The following CLYBL variants were observed in gnomAD, a reference collection of about 807,000 sequenced individuals.
CLYBL encodes the protein citramalyl-CoA lyase, mitochondrial.
CLYBL carries 31 observed loss-of-function variants against 38.9 expected under a neutral mutation model. The observed-to-expected ratio is 0.80, with a 90% CI of 0.60 to 1.08. CLYBL has a LOEUF of 1.08. Among genes scored for constraint, CLYBL ranks in the 50% least tolerant of loss-of-function variants. The probability of loss-of-function intolerance (pLI) is 0.00; values close to 1 mark genes in which losing one functional copy is unlikely to be tolerated. For missense variants in CLYBL, 434 were observed against 411.6 expected, an observed-to-expected ratio of 1.05 and a Z score of -0.47; for synonymous variants, 171 against 158.6, an observed-to-expected ratio of 1.08 and a Z score of -0.59.
intron 2 of CLYBL, among the ~76,000 whole-genome samples, chr13:99,788,479 T>C (rs1156514437): frequency 6.6e-6 from 1 of 152,240 alleles, no homozygotes; most frequent in East Asian, 1.9e-4. Context: ...TGTCTTTGGT[T>C]CTGTTTATAT....
chr13:99,808,678 C>T (rs1000424840), intron 2 of CLYBL, among the ~76,000 whole-genome samples: 12 of 151,990 alleles, frequency 7.9e-5, no homozygotes, highest in Non-Finnish European at 4.4e-5. Context: ...ATATATTCAA[C>T]CTGAAGTAAT....
intron 7 of CLYBL, chr13:99,877,672 G>A (rs1242348120): frequency 3.2e-6 from 1 of 313,878 alleles, no homozygotes; most frequent in Non-Finnish European, 6.0e-6. Flanking sequence ...CGCCTCCCGG[G>A]TTCAAGTGAT....
chr13:99,865,843 T>A lies in CLYBL; in HGVS notation c.635-397T>A, dbSNP rs1393274054. Reference sequence around the variant, plus strand: ...GCAGCACACACAGTTCTGTGCTTGCTGTGAAACACGAACCATTGCCCTGCA... The same window carrying A: ...GCAGCACACACAGTTCTGTGCTTGCAGTGAAACACGAACCATTGCCCTGCA... On this transcript the variant is annotated intron_variant, in intron 5 of 8. Transcript: ENST00000339105. This position sits in a 1 kb window ranked among gnomAD's most constrained non-coding sequence, Gnocchi z 4.7. Among the ~76,000 whole-genome samples, 1 of 152,202 alleles carries A rather than the reference T, an allele frequency of 6.6e-6. No individual in the cohort carries two copies. Among genetic ancestry groups the A allele is most frequent in the Non-Finnish European group, 1.5e-5 (1 of 68,030 alleles).
chr13:99,619,784 C>G (rs1302954702), intron 1 of CLYBL, among the ~76,000 whole-genome samples: 1 of 152,204 alleles, frequency 6.6e-6, no homozygotes, highest in South Asian at 2.1e-4. Flanking sequence ...TGCCAGTTGA[C>G]ATTCCAGAGT....
At chr13:99,687,733 G>A (rs1407937319) in intron 1 of CLYBL, among the ~76,000 whole-genome samples, 1 of 152,204 alleles carries the variant, frequency 6.6e-6, no homozygotes, top group African/African-American at 2.4e-5. Flanking sequence ...TCAGGGACCA[G>A]GCTGAATGTT....
intron 1 of CLYBL, among the ~76,000 whole-genome samples, chr13:99,698,683 G>A (rs1014247462): frequency 6.6e-6 from 1 of 152,094 alleles, no homozygotes; most frequent in Non-Finnish European, 1.5e-5. Context: ...GGCTTTATAT[G>A]CATTTGTAGC....
chr13:99,625,420 A>G (rs1453295386), intron 1 of CLYBL, among the ~76,000 whole-genome samples: 2 of 152,240 alleles, frequency 1.3e-5, no homozygotes, highest in Non-Finnish European at 2.9e-5. Context: ...GTGATTTACA[A>G]AGGTGGAAAC....
intron 1 of CLYBL, among the ~76,000 whole-genome samples, chr13:99,614,437 G>C (rs1303862485): frequency 6.6e-6 from 1 of 152,146 alleles, no homozygotes; most frequent in Admixed American, 6.5e-5. Flanking sequence ...GACATGCCTG[G>C]GCTGGACAGT....
chr13:99,895,967 G>T (rs1257107948), downstream of CLYBL: 1 of 151,660 alleles, frequency 6.6e-6, no homozygotes, highest in Non-Finnish European at 1.5e-5. Flanking sequence ...TTCTTCCGAC[G>T]GAAGGGCACC....
rs1167277995 is a variant in CLYBL at position 99,865,137 on chromosome 13, T to C, written c.634+226T>C. 1 of 534,058 alleles carries C rather than the reference T, an allele frequency of 1.9e-6. No individual in the cohort carries two copies. Among genetic ancestry groups the C allele is most frequent in the Non-Finnish European group, 3.5e-6 (1 of 282,978 alleles). The allele number at this position is 534,058 out of a possible 1,614,324, so 33.1% of individuals were successfully genotyped here. ...CTGCATTATTACTTCTGTTCATTTA[T>C]AAAAGACACGAGCAATAGAAAGCCT... On this transcript the variant is annotated intron_variant, in intron 5 of 8. Transcript: ENST00000339105. The surrounding 1 kb of genome is among the most constrained non-coding windows in gnomAD (Gnocchi z 4.7).
chr13:99,615,114 C>G (rs1459447128), intron 1 of CLYBL, among the ~76,000 whole-genome samples: 1 of 152,222 alleles, frequency 6.6e-6, no homozygotes, highest in African/African-American at 2.4e-5. Context: ...GTGGGTGAGC[C>G]TGTGCCAAGA....
chr13:99,671,005 A>G (rs1225441710), intron 1 of CLYBL, among the ~76,000 whole-genome samples: 1 of 152,066 alleles, frequency 6.6e-6, no homozygotes, highest in Non-Finnish European at 1.5e-5. Context: ...CTCCAGCAAC[A>G]TCTTATGCCA....
At chr13:99,688,947 G>A (rs767247237) in intron 1 of CLYBL, among the ~76,000 whole-genome samples, 6 of 152,168 alleles carry the variant, frequency 3.9e-5, no homozygotes, top group Non-Finnish European at 7.3e-5. Context: ...ACAAAAGCTA[G>A]TGGTACAGAT....
At chr13:99,750,875 C>T (rs540303823) in intron 1 of CLYBL, among the ~76,000 whole-genome samples, 28 of 151,934 alleles carry the variant, frequency 1.8e-4, no homozygotes, top group Middle Eastern at 3.4e-3. Flanking sequence ...TTACTGGACA[C>T]GGGTACAGCT....
intron 1 of CLYBL, among the ~76,000 whole-genome samples, chr13:99,767,051 CCT>C (rs2049283453): frequency 6.6e-6 from 1 of 152,206 alleles, no homozygotes; most frequent in East Asian, 1.9e-4. Context: ...GCAGAGCAGG[CCT>C]CCTGCCAGGG....
rs142574394 is a variant in CLYBL, at chr13:99,650,505, G to T, written c.62+43748G>T. Among the ~76,000 whole-genome samples, 253 of 152,334 alleles carry T rather than the reference G, an allele frequency of 1.7e-3. 2 individuals carry two copies. Among genetic ancestry groups the T allele is most frequent in the African/African-American group, 5.9e-3 (245 of 41,574 alleles). ...CCATCTACTTTCCTCTCCTTGCCCA[G>T]GGTGACAGAAACTGTTGCCAAATTC... On this transcript the variant is annotated intron_variant, in intron 1 of 8. Transcript: ENST00000339105.
intron 2 of CLYBL, among the ~76,000 whole-genome samples, chr13:99,835,196 G>A (rs562250141): frequency 8.1e-4 from 124 of 152,304 alleles, no homozygotes; most frequent in African/African-American, 2.9e-3. Context: ...TTGTGTCAGC[G>A]TGCAGGCTAA....
chr13:99,788,268 G>T (rs1347509676), intron 2 of CLYBL, among the ~76,000 whole-genome samples: 3 of 152,194 alleles, frequency 2.0e-5, no homozygotes, highest in Non-Finnish European at 4.4e-5. Context: ...GGGCATCCCT[G>T]TCTTGTGCCA....
At chr13:99,712,086 A>G (rs2048243141) in intron 1 of CLYBL, among the ~76,000 whole-genome samples, 1 of 152,172 alleles carries the variant, frequency 6.6e-6, no homozygotes, top group Non-Finnish European at 1.5e-5. Flanking sequence ...TCACCTCCAC[A>G]TTTGATCACA....
Sources: allele counts gnomAD v4.1 joint callset (sites outside exome capture counted in the v4.1 genomes callset), GRCh38; gene constraint gnomAD v4.1.1; non-coding constraint Gnocchi (gnomAD v3.1); transcripts MANE v1.5; gene names NCBI Gene and HGNC (gene_info 2026-07-23, HGNC 2026-07-21).